CDK11B: variants seen among roughly 807,000 people sequenced by gnomAD.
CDK11B encodes the protein cyclin-dependent kinase 11B.
Under a neutral mutation model 84.0 loss-of-function variants are expected in CDK11B, and 37 were observed. The observed-to-expected ratio is 0.44, with a 90% CI of 0.34 to 0.58. The LOEUF is 0.58. CDK11B is among the 20% of genes least tolerant of loss of function. The pLI is 0.02. For missense variants in CDK11B, 427 were observed against 834.0 expected (o/e 0.51, Z 6.01); for synonymous variants, 269 against 309.8 (o/e 0.87, Z 1.38).
intron 3 of CDK11B, among the ~76,000 whole-genome samples, chr1:1,654,348 C>A (rs775951635): frequency 1.3e-5 from 2 of 152,180 alleles, no homozygotes; most frequent in Non-Finnish European, 2.9e-5. Context: ...CTATTCTAGG[C>A]TCTGTCAGGG....
chr1:1,636,694 G>A lies in CDK11B; in HGVS notation c.1905C>T (p.Asn635=), dbSNP rs1557654880. The change falls in exon 17 of 20, where the codon AAC becomes AAT. Residue 635 remains asparagine (N), a synonymous_variant. Transcript: ENST00000341832. ...FPGKSEIDQI[N]KVFKDLGTPS... ...GGGCCAGACCCACCTTGAACACCTT[G>A]TTGATCTGATCGATTTCTGACTTCC... The A allele has an allele frequency of 6.2e-7, 1 of 1,614,000 alleles. No individual in the cohort carries two copies. The highest frequency in any genetic ancestry group is 2.2e-5 in the East Asian group (1 of 44,888).
At position 1,636,107 on chromosome 1, in the gene CDK11B, C is replaced by T. The variant is rs1639229606; in HGVS notation, c.2086G>A (p.Gly696Arg). The part of the protein sequence containing the change: ...LMNKFLTYFP[G>R]RRISAEDGLK... ...CCGTCCTCAGCGCTGATCCTCCTCC[C>T]GGGGAAGTAGGTCAGGAACCTGGGG... The change falls in exon 19 of 20, where the codon GGG becomes AGG. Residue 696 changes from glycine (G) to arginine (R), a missense_variant. By Grantham distance (125) the Gly-to-Arg change is moderately radical. Coordinates refer to ENST00000341832, the MANE Select transcript of CDK11B (RefSeq NM_033486.3). 7 of 527,072 alleles carry T rather than the reference C, an allele frequency of 1.3e-5. No homozygotes were observed. Among genetic ancestry groups the T allele is most frequent in the Non-Finnish European group, 2.0e-5 (6 of 304,418 alleles). 32.6% of individuals were successfully genotyped at this position (527,072 alleles called of 1,614,324 possible). A position where few individuals can be genotyped will look rare whatever the true frequency, so the allele number is the denominator to read the frequency against.
chr1:1,645,763 A>C (rs1318914180), intron 5 of CDK11B: 1 of 336,634 alleles, frequency 3.0e-6, no homozygotes, highest in Non-Finnish European at 5.7e-6. Context: ...CTGTGGTTAG[A>C]TGCATTCACA....
chr1:1,650,012 G>A (rs1159927407), intron 4 of CDK11B, among the ~76,000 whole-genome samples: 5 of 148,926 alleles, frequency 3.4e-5, no homozygotes, highest in Admixed American at 6.7e-5. Flanking sequence ...GGTGGCTCAC[G>A]CCTGTAATTC....
intron 11 of CDK11B, among the ~76,000 whole-genome samples, chr1:1,639,942 G>A (rs574902196): frequency 2.0e-5 from 3 of 151,748 alleles, no homozygotes; most frequent in East Asian, 3.9e-4. Context: ...ACCCGCCCAC[G>A]CAGGGGTCAA....
intron 3 of CDK11B, among the ~76,000 whole-genome samples, chr1:1,653,133 T>C (rs1469386190): frequency 6.6e-6 from 1 of 152,152 alleles, no homozygotes; most frequent in Non-Finnish European, 1.5e-5. Context: ...CAAGCAATTC[T>C]CCTGCCTCTG....
In CDK11B at chr1:1,637,223, C is replaced by T. The variant is rs749620795; in HGVS notation, c.1571-21G>A. 2.5e-5 allele frequency: 41 copies of T among 1,611,904 alleles called. No homozygotes were observed. The South Asian group carries it at 4.3e-4, about 17-fold the overall frequency. On this transcript the variant is annotated intron_variant, in intron 14 of 19. Coordinates refer to ENST00000341832, the MANE Select transcript of CDK11B (RefSeq NM_033486.3). ...CTCCCCTGGGAGGGAGGGAAGCTCC[C>T]ATGTGGACCTGGCTGCCCCCAGCCC...
At chr1:1,656,751 C>G (rs938445309) in intron 2 of CDK11B, among the ~76,000 whole-genome samples, 2 of 150,206 alleles carry the variant, frequency 1.3e-5, no homozygotes, top group African/African-American at 4.9e-5. Flanking sequence ...GTCTCAAAAA[C>G]AAAAAAAAAG....
At chr1:1,647,472 TCAC>T (rs1641318105) in intron 5 of CDK11B, among the ~76,000 whole-genome samples, 2 of 152,352 alleles carry the variant, frequency 1.3e-5, no homozygotes, top group African/African-American at 4.8e-5. Context: ...TTCCTAGGGG[TCAC>T]CACCATGGCT....
Position 1,635,637 on chromosome 1 carries a change from A to G in CDK11B, c.*127T>C. ...TTAATTCTACAAATTTACAAACCAA[A>G]ATACAAAAACAAAACATGGAGCACA... On this transcript the variant is annotated 3_prime_UTR_variant, in exon 20 of 20. Transcript: ENST00000341832. 1 of 394,484 alleles carries G rather than the reference A, an allele frequency of 2.5e-6. No individual in the cohort carries two copies. Among genetic ancestry groups the G allele is most frequent in the Non-Finnish European group, 4.3e-6 (1 of 232,142 alleles). The allele number at this position is 394,484 out of a possible 1,614,324, so 24.4% of individuals were successfully genotyped here. A position where few individuals can be genotyped will look rare whatever the true frequency, so the allele number is the denominator to read the frequency against.
chr1:1,637,993 G>A (rs1219157882), intron 12 of CDK11B, 110 bp from the exon 13 acceptor site: 5 of 1,526,764 alleles, frequency 3.3e-6, no homozygotes, highest in Admixed American at 1.8e-5. Context: ...AGCATTTCAC[G>A]GAGGGGGGTC....
At position 1,649,601 on chromosome 1, in the gene CDK11B, T is replaced by C. The variant is rs1641623382; in HGVS notation, c.392A>G (p.His131Arg). 2.5e-6 allele frequency: 4 copies of C among 1,609,094 alleles called. No homozygotes were observed. The highest frequency in any genetic ancestry group is 3.4e-6 in the Non-Finnish European group (4 of 1,175,732). The change falls in exon 5 of 20, where the codon CAC becomes CGC. Residue 131 changes from histidine (H) to arginine (R), a missense_variant. Physicochemically the swap from His to Arg is conservative, Grantham distance 29. Coordinates refer to ENST00000341832, the MANE Select transcript of CDK11B (RefSeq NM_033486.3). ...TTCTCGATGCCGTTTCCGACGTTCGTGCTCTCTTTCTTTTTCTTTCACTCT... is the reference window on the plus strand; with the variant it reads ...TTCTCGATGCCGTTTCCGACGTTCGCGCTCTCTTTCTTTTTCTTTCACTCT... ...HARVKEKERE[H>R]ERRKRHREEQ... is the part of the protein sequence containing the mutation.
intron 11 of CDK11B, 52 bp from the exon 12 acceptor site, chr1:1,638,642 AGG>A (rs1639758733): frequency 8.1e-7 from 1 of 1,238,902 alleles, no homozygotes; most frequent in Non-Finnish European, 1.2e-6. Context: ...AGCTGGAGGG[AGG>A]GCGGCTGCGT....
chr1:1,652,120 C>G (rs1416747808), intron 4 of CDK11B, among the ~76,000 whole-genome samples: 14 of 151,474 alleles, frequency 9.2e-5, no homozygotes, highest in Admixed American at 5.3e-4. Flanking sequence ...TTCAGCTATT[C>G]TCTCTATAGC....
rs1642145136 is a variant in CDK11B, at chr1:1,652,474, T to G, written c.320A>C (p.Glu107Ala). 1 of 1,506,060 alleles carries G rather than the reference T, an allele frequency of 6.6e-7. No homozygotes were observed. The highest frequency in any genetic ancestry group is 1.4e-5 in the South Asian group (1 of 72,148). 93.3% of individuals were successfully genotyped at this position (1,506,060 alleles called of 1,614,324 possible). Residue 107 changes from glutamate to alanine, a missense_variant, in exon 4 of 20, where the codon GAG becomes GCG. Around this residue, in one of 12 missense-constraint regions of CDK11B, gnomAD observed 9 missense variants for 35.4 expected, o/e 0.25. Transcript: ENST00000341832. Reference protein sequence around the residue: ...AHHRKDEKRKEKRRHRSHSAE... With the variant: ...AHHRKDEKRKAKRRHRSHSAE... ...TGAATGGCTACGATGCCTACGTTTCTCTTTTCTCTTTTCATCTTTTCTGTG... is the reference window on the plus strand; with the variant it reads ...TGAATGGCTACGATGCCTACGTTTCGCTTTTCTCTTTTCATCTTTTCTGTG...
At chr1:1,652,827 GC>G (rs1414578698) in intron 3 of CDK11B, among the ~76,000 whole-genome samples, 1 of 151,550 alleles carries the variant, frequency 6.6e-6, no homozygotes, top group Non-Finnish European at 1.5e-5. Flanking sequence ...CCGGGTTCAT[GC>G]CATTCTCTTG....
chr1:1,647,882 G>A (rs184794094), intron 5 of CDK11B, among the ~76,000 whole-genome samples: 3,509 of 152,262 alleles, frequency 0.023, 60 homozygotes, highest in Non-Finnish European at 0.032. Flanking sequence ...TGCAGGTCCT[G>A]CAGCTGCCCT....
chr1:1,652,301 G>C (rs1205329044), intron 4 of CDK11B, 138 bp downstream of exon 4: 6 of 675,676 alleles, frequency 8.9e-6, no homozygotes, highest in Admixed American at 7.6e-5. Flanking sequence ...ATTCTGAACG[G>C]TCTGTGACAC....
At chr1:1,652,826 T>C (rs1642184590) in intron 3 of CDK11B, among the ~76,000 whole-genome samples, 2 of 151,928 alleles carry the variant, frequency 1.3e-5, no homozygotes, top group East Asian at 1.9e-4. Context: ...TCCGGGTTCA[T>C]GCCATTCTCT....
Sources: gnomAD v4.1 joint callset for allele counts (sites outside exome capture counted in the v4.1 genomes callset) on GRCh38, gnomAD v4.1.1 for gene constraint, gnomAD v4.1.1 regional missense constraint, MANE v1.5 for transcripts, NCBI Gene and HGNC (gene_info 2026-07-23, HGNC 2026-07-21) for gene names.